Variants in ERICH6B observed in about 807,000 individuals in gnomAD.
ERICH6B encodes the protein glutamate rich 6B.
ERICH6B carries 69 observed loss-of-function variants against 80.0 expected under a neutral mutation model. The ratio of observed to expected loss-of-function variants is 0.86; its 90% confidence interval spans 0.71 to 1.05. ERICH6B has a LOEUF of 1.05. Among genes scored for constraint, ERICH6B ranks in the 50% least tolerant of loss-of-function variants. The pLI is 0.00. For missense variants in ERICH6B, 754 were observed against 796.1 expected (o/e 0.95, Z 0.64); for synonymous variants, 283 against 291.9 (o/e 0.97, Z 0.31).
intron 8 of ERICH6B, among the ~76,000 whole-genome samples, chr13:45,571,808 G>A (rs999736767): frequency 6.6e-6 from 1 of 152,152 alleles, no homozygotes; most frequent in Non-Finnish European, 1.5e-5. Flanking sequence ...TGGACATAGA[G>A]ACATGCATGG....
In ERICH6B at chr13:45,544,921, A is replaced by G; in HGVS notation, c.1711T>C (p.Trp571Arg). ...PKDKRQKAWN[W>R]WNLNIHVHAP... is the part of the protein sequence containing the mutation. ...TGGACATGGATGTTCAGATTCCACC[A>G]GTTCCAGGCCTTCTGGCGTTTGTCT... is the stretch of plus-strand genomic sequence containing the variant. The change falls in exon 14 of 15, where the codon TGG (tryptophan) becomes CGG (arginine). Residue 571 changes from tryptophan (W) to arginine (R), a missense_variant. By Grantham distance (101) the Trp-to-Arg change is moderately radical. Transcript: ENST00000298738. 1.3e-6 allele frequency: 2 copies of G among 1,551,712 alleles called. No individual in the cohort carries two copies. Among genetic ancestry groups the G allele is most frequent in the Non-Finnish European group, 8.7e-7 (1 of 1,147,004 alleles).
chr13:45,561,502 C>A lies in ERICH6B; in HGVS notation c.1274G>T (p.Ser425Ile), dbSNP rs376443335. The A allele has an allele frequency of 1.2e-5, 19 of 1,551,622 alleles. No individual in the cohort carries two copies. Among genetic ancestry groups the A allele is most frequent in the Middle Eastern group, 1.7e-4 (1 of 6,018 alleles). ...REAQKLTEMTSFTFHLMSKPT... is the reference protein window; with the variant it reads ...REAQKLTEMTIFTFHLMSKPT... The stretch of plus-strand genomic sequence containing the variant: ...TTTGCTCATTAAATGAAATGTGAAA[C>A]TGGTCATCTCTGTTAACTTTTGAGC... The change falls in exon 11 of 15, where the codon AGT becomes ATT. Residue 425 changes from serine (S) to isoleucine (I), a missense_variant. By Grantham distance (142) the Ser-to-Ile change is moderately radical. Coordinates refer to ENST00000298738, the MANE Select transcript of ERICH6B (RefSeq NM_182542.3).
intron 5 of ERICH6B, among the ~76,000 whole-genome samples, 162 bp from the exon 6 acceptor site, chr13:45,580,827 C>T (rs1213096165): frequency 6.6e-6 from 1 of 152,134 alleles, no homozygotes; most frequent in Middle Eastern, 3.2e-3. Flanking sequence ...TATATAGATG[C>T]CCCACTGCAC....
intron 1 of ERICH6B, among the ~76,000 whole-genome samples, chr13:45,610,430 G>C (rs1022916945): frequency 6.6e-6 from 1 of 152,188 alleles, no homozygotes; most frequent in Admixed American, 6.5e-5. Context: ...AAATGCTCAG[G>C]GAGATTGATT....
chr13:45,575,485 C>G (rs910306568), intron 7 of ERICH6B, among the ~76,000 whole-genome samples: 7 of 152,060 alleles, frequency 4.6e-5, no homozygotes, highest in African/African-American at 1.7e-4. Context: ...CGGGGGCCAG[C>G]TTTCAAAGGA....
intron 7 of ERICH6B, among the ~76,000 whole-genome samples, chr13:45,578,992 G>T (rs1287657698): frequency 6.6e-6 from 1 of 152,240 alleles, no homozygotes; most frequent in African/African-American, 2.4e-5. Context: ...GGAGGCTGCT[G>T]TGAGCTGTTC....
chr13:45,556,557 C>A (rs1372893356), intron 11 of ERICH6B, among the ~76,000 whole-genome samples: 2 of 152,098 alleles, frequency 1.3e-5, no homozygotes, highest in African/African-American at 2.4e-5. Flanking sequence ...CCCTTCCTAC[C>A]CTTTCCCCTT....
At chr13:45,555,505 T>TC (rs1348086606) in intron 11 of ERICH6B, 3 of 152,202 alleles carry the variant, frequency 2.0e-5, no homozygotes, top group African/African-American at 7.2e-5. Context: ...TGTAAAGCTG[T>TC]CCTATTGCTT....
At chr13:45,594,887 T>C (rs528885308) in intron 3 of ERICH6B, among the ~76,000 whole-genome samples, 3 of 152,216 alleles carry the variant, frequency 2.0e-5, no homozygotes, top group Non-Finnish European at 4.4e-5. Flanking sequence ...CCTAGTTGAA[T>C]ATGGCCATGC....
intron 5 of ERICH6B, 60 bp downstream of exon 5, chr13:45,587,003 T>C: frequency 6.7e-7 from 1 of 1,494,250 alleles, no homozygotes; most frequent in Non-Finnish European, 9.0e-7. Flanking sequence ...CACAAAACCA[T>C]TCCTCCCCTG....
chr13:45,563,265 G>A (rs1266079665), intron 10 of ERICH6B, among the ~76,000 whole-genome samples: 1 of 152,044 alleles, frequency 6.6e-6, no homozygotes, highest in African/African-American at 2.4e-5. Context: ...GTCCCACAGT[G>A]TCCCCTTCCC....
intron 4 of ERICH6B, among the ~76,000 whole-genome samples, chr13:45,588,795 G>A (rs775141809): frequency 2.0e-5 from 3 of 152,190 alleles, no homozygotes; most frequent in African/African-American, 7.2e-5. Context: ...CTCACCTGCC[G>A]GGAAGCAGAG....
chr13:45,554,778 C>G (rs1874369083), intron 11 of ERICH6B, among the ~76,000 whole-genome samples: 2 of 152,226 alleles, frequency 1.3e-5, no homozygotes, highest in Non-Finnish European at 2.9e-5. Context: ...GGACCCCGAG[C>G]TGTGCCAGAG....
intron 7 of ERICH6B, among the ~76,000 whole-genome samples, 166 bp from the exon 8 acceptor site, chr13:45,575,096 A>T (rs569240542): frequency 6.6e-6 from 1 of 152,386 alleles, no homozygotes; most frequent in South Asian, 2.1e-4. Context: ...ACATGACCTA[A>T]AACTCAACTT....
chr13:45,588,174 G>A (rs577962639), intron 4 of ERICH6B, among the ~76,000 whole-genome samples: 70 of 152,308 alleles, frequency 4.6e-4, no homozygotes, highest in African/African-American at 1.7e-3. Context: ...TCTGGGTAAG[G>A]GCTCAGGCAA....
chr13:45,564,302 T>G (rs117401398), intron 9 of ERICH6B, among the ~76,000 whole-genome samples: 1,588 of 152,342 alleles, frequency 0.01, 15 homozygotes, highest in Non-Finnish European at 0.015. Flanking sequence ...CTCCCTCTCA[T>G]GTTAACACAC....
Position 45,563,727 on chromosome 13 carries a change from C to A in ERICH6B, c.1249G>T (p.Ala417Ser). 6.4e-7 allele frequency: 1 copy of A among 1,552,260 alleles called. No individual in the cohort carries two copies. The highest frequency in any genetic ancestry group is 1.2e-5 in the South Asian group (1 of 84,052). ...TILRIKRRRE[A>S]QKLTEMTSFT... ...TGGAAAATGGTGGAGTGGTGCCTAC[C>A]TTCACGTCTCCTCTTAATCCGTAAG... The change falls in exon 10 of 15, where the codon GCT becomes TCT. Residue 417 changes from alanine (A) to serine (S), a missense_variant and splice_region_variant. By Grantham distance (99) the Ala-to-Ser change is moderately conservative (BLOSUM62 1). Transcript: ENST00000298738.
At chr13:45,586,113 C>T (rs1395101767) in intron 5 of ERICH6B, among the ~76,000 whole-genome samples, 1 of 151,994 alleles carries the variant, frequency 6.6e-6, no homozygotes, top group South Asian at 2.1e-4. Context: ...GTTCTTGGGG[C>T]TCCGTGGGAG....
At chr13:45,581,885 A>G (rs1309909185) in intron 5 of ERICH6B, among the ~76,000 whole-genome samples, 1 of 152,220 alleles carries the variant, frequency 6.6e-6, no homozygotes, top group African/African-American at 2.4e-5. Flanking sequence ...ACTTCTACAG[A>G]CAAGGAGCTC....
Sources: gnomAD v4.1 joint callset for allele counts (sites outside exome capture counted in the v4.1 genomes callset) on GRCh38, gnomAD v4.1.1 for gene constraint, MANE v1.5 for transcripts, NCBI Gene and HGNC (gene_info 2026-07-23, HGNC 2026-07-21) for gene names.